WDR35: variants seen among roughly 807,000 people sequenced by gnomAD.
The protein encoded by WDR35 is WD repeat domain 35, also known as WD repeat-containing protein 35.
Under a neutral mutation model 158.3 loss-of-function variants are expected in WDR35, and 118 were observed. That is an observed-to-expected ratio of 0.75 (90% CI 0.64 to 0.87). WDR35 has a LOEUF of 0.87. Ranked by LOEUF, WDR35 falls within the 40% of genes least tolerant of loss-of-function variation. The pLI, the probability that WDR35 is intolerant of heterozygous loss-of-function variation, is 0.00. For missense variants in WDR35, 1,263 were observed against 1,405.8 expected (o/e 0.90, Z 1.62); for synonymous variants, 448 against 476.1 (o/e 0.94, Z 0.77).
intron 17 of WDR35, among the ~76,000 whole-genome samples, chr2:19,941,188 C>A (rs1224563397): frequency 1.3e-5 from 2 of 151,914 alleles, no homozygotes; most frequent in Non-Finnish European, 2.9e-5. Context: ...TCAGTATATT[C>A]TTAGAGAAAA....
intron 14 of WDR35, among the ~76,000 whole-genome samples, chr2:19,947,222 A>G (rs1671088304): frequency 6.6e-6 from 1 of 152,244 alleles, no homozygotes; most frequent in South Asian, 2.1e-4. Context: ...GCCTCAGGCC[A>G]TGGCAGTGGG....
intron 12 of WDR35, 124 bp downstream of exon 12, chr2:19,953,710 A>C (rs1204612712): frequency 7.9e-6 from 10 of 1,265,792 alleles, no homozygotes; most frequent in Non-Finnish European, 1.0e-5. Context: ...TAATCAAATT[A>C]ATTGAAAAAA....
intron 25 of WDR35, among the ~76,000 whole-genome samples, chr2:19,926,498 C>A (rs1670359146): frequency 6.6e-6 from 1 of 152,190 alleles, no homozygotes. Flanking sequence ...ATACGTGGTT[C>A]ATTCTACACA....
intron 5 of WDR35, among the ~76,000 whole-genome samples, chr2:19,978,112 C>G (rs1471920040): frequency 6.6e-6 from 1 of 151,904 alleles, no homozygotes; most frequent in African/African-American, 2.4e-5. Context: ...ATTGCTGTAC[C>G]CTTAGTTCCT....
chr2:19,956,052 C>A (rs1221688566), intron 11 of WDR35, among the ~76,000 whole-genome samples: 1 of 152,158 alleles, frequency 6.6e-6, no homozygotes, highest in East Asian at 1.9e-4. Context: ...GACAGCAAAG[C>A]CTCCAGGGTG....
In WDR35 at chr2:19,935,407, A is replaced by G. The variant is rs1477913506; in HGVS notation, c.2547+64T>C. ...TCTTTATTGTGGGAGATATTTCCTG[A>G]CTATAACATAAAATTTTATAAAGTA... On this transcript the variant is annotated intron_variant, in intron 21 of 26. Transcript: ENST00000281405. 1.9e-6 allele frequency: 3 copies of G among 1,561,298 alleles called. No individual in the cohort carries two copies. The South Asian group carries it at 3.4e-5, about 18-fold the overall frequency.
chr2:19,989,377 A>C (rs957045678), intron 1 of WDR35, 95 bp from the exon 2 acceptor site: 2 of 1,168,164 alleles, frequency 1.7e-6, no homozygotes, highest in African/African-American at 3.0e-5. Context: ...TCTTCCAAGA[A>C]GAAAAACGAA....
chr2:19,971,559 G>A (rs187294540), intron 8 of WDR35, among the ~76,000 whole-genome samples: 15 of 152,314 alleles, frequency 9.8e-5, no homozygotes, highest in Admixed American at 2.0e-4. Context: ...ATACTATGCA[G>A]TCTGTGGTAT....
At chr2:19,930,139 T>G (rs1670479534) in intron 25 of WDR35, among the ~76,000 whole-genome samples, 2 of 151,754 alleles carry the variant, frequency 1.3e-5, no homozygotes, top group Admixed American at 1.3e-4. Flanking sequence ...AGTATTTAAC[T>G]TTGAATGGCT....
At chr2:19,940,598 G>C (rs1670842012) in intron 17 of WDR35, among the ~76,000 whole-genome samples, 4 of 152,042 alleles carry the variant, frequency 2.6e-5, no homozygotes, top group Admixed American at 2.6e-4. Context: ...TTGATGGTTG[G>C]CTGCTGACAG....
At chr2:19,957,085 G>T (rs2103430852) in intron 11 of WDR35, among the ~76,000 whole-genome samples, 1 of 152,266 alleles carries the variant, frequency 6.6e-6, no homozygotes. Context: ...ATATCACACA[G>T]TTAGAAAGTA....
rs374172060 is a variant in WDR35 at position 19,937,972 on chromosome 2, T to G, written c.2064-26A>C. The G allele has an allele frequency of 4.2e-4, 680 of 1,612,336 alleles. 1 individual carries two copies. Among genetic ancestry groups the G allele is most frequent in the Admixed American group, 6.7e-4 (40 of 59,842 alleles). On this transcript the variant is annotated intron_variant, in intron 18 of 26. Coordinates refer to ENST00000281405, the MANE Select transcript of WDR35 (RefSeq NM_020779.4). ...CTTTATTTTAAAAGAAACAAAAACA[T>G]AAGTGCATATTGCAAATTACTGACA...
At position 19,937,853 on chromosome 2, in the gene WDR35, A is replaced by G. The variant is rs755951192; in HGVS notation, c.2157T>C (p.Phe719=). 1.9e-6 allele frequency: 3 copies of G among 1,614,158 alleles called. No individual in the cohort carries two copies. In the Admixed American group the frequency reaches 5.0e-5, roughly 27 times the overall value. ...TCAGTAGTTTGCCCAAGCGCTTCACAAACTTAATGCCTTGGTAATCTTTGC... is the reference window on the plus strand; with the variant it reads ...TCAGTAGTTTGCCCAAGCGCTTCACGAACTTAATGCCTTGGTAATCTTTGC... ...VRCKDYQGIK[F]VKRLGKLLSE... Residue 719 remains phenylalanine, a synonymous_variant, in exon 19 of 27, where the codon TTT becomes TTC. Coordinates refer to ENST00000281405, the MANE Select transcript of WDR35 (RefSeq NM_020779.4).
At chr2:19,936,134 T>TC in intron 20 of WDR35, 85 bp downstream of exon 20, 2 of 1,582,258 alleles carry the variant, frequency 1.3e-6, no homozygotes, top group Non-Finnish European at 1.7e-6. Flanking sequence ...GATCTTCATT[T>TC]CCCCAGGATT....
intron 12 of WDR35, chr2:19,951,879 AATTTAAGTGG>A (rs1671246943): frequency 6.2e-6 from 1 of 162,036 alleles, no homozygotes; most frequent in African/African-American, 2.4e-5. Context: ...ATAAAAGTAA[AATTTAAGTGG>A]ATTTAGGAGG....
Position 19,934,024 on chromosome 2 carries a change from A to AACCACCACTACCACC in WDR35, c.2548-514_2548-513insGGTGGTAGTGGTGGT, listed in dbSNP as rs1670609983. Among the ~76,000 whole-genome samples, 1 of 105,072 alleles carries AACCACCACTACCACC rather than the reference A, an allele frequency of 9.5e-6. No individual in the cohort carries two copies. The highest frequency in any genetic ancestry group is 3.3e-4 in the South Asian group (1 of 2,998). The allele number at this position is 105,072 out of a possible 152,430, so 68.9% of individuals were successfully genotyped here. A position where few individuals can be genotyped will look rare whatever the true frequency, so the allele number is the denominator to read the frequency against. On this transcript the variant is annotated intron_variant, in intron 21 of 26. Coordinates refer to ENST00000281405, the MANE Select transcript of WDR35 (RefSeq NM_020779.4). This position sits in a 1 kb window ranked among gnomAD's most constrained non-coding sequence, Gnocchi z 4.6. Reference sequence around the variant, plus strand: ...TTGGAAAGTGGTGGCAGCGAGGAAGAACCACCACCACCACCACCACCACCA... The same window carrying AACCACCACTACCACC: ...TTGGAAAGTGGTGGCAGCGAGGAAGAACCACCACTACCACCACCACCACCACCACCACCACCACCA...
intron 10 of WDR35, among the ~76,000 whole-genome samples, chr2:19,964,543 C>A (rs1363358245): frequency 5.3e-5 from 8 of 151,660 alleles, no homozygotes; most frequent in African/African-American, 1.9e-4. Context: ...GCTGCCACGC[C>A]CGGCTAATTT....
In WDR35 at chr2:19,917,386, GA is replaced by G. The variant is rs1350063525; in HGVS notation, c.3122-3110del. 2.6e-5 allele frequency among the ~76,000 whole-genome samples: 4 copies of G among 152,222 alleles called. No homozygotes were observed. The East Asian group carries it at 7.7e-4, about 29-fold the overall frequency. On this transcript the variant is annotated intron_variant, in intron 25 of 26. Coordinates refer to ENST00000281405, the MANE Select transcript of WDR35 (RefSeq NM_020779.4). ...CAGCAAGGGAACAAAACTGGATGGAGAATGAATTTGATTAACTGACAGAAGC... is the reference window on the plus strand; with the variant it reads ...CAGCAAGGGAACAAAACTGGATGGAGATGAATTTGATTAACTGACAGAAGC...
intron 16 of WDR35, among the ~76,000 whole-genome samples, chr2:19,942,064 T>C (rs1374484029): frequency 6.6e-6 from 1 of 152,222 alleles, no homozygotes; most frequent in Non-Finnish European, 1.5e-5. Flanking sequence ...ACGGACATCA[T>C]GATATTTTAT....
Sources: gnomAD v4.1 joint callset for allele counts (sites outside exome capture counted in the v4.1 genomes callset) on GRCh38, gnomAD v4.1.1 for gene constraint, Gnocchi (gnomAD v3.1) non-coding constraint, MANE v1.5 for transcripts, NCBI Gene and HGNC (gene_info 2026-07-23, HGNC 2026-07-21) for gene names.